The following GALNT10 variants were observed in gnomAD, a reference collection of about 807,000 sequenced individuals.
GALNT10 encodes the protein polypeptide N-acetylgalactosaminyltransferase 10.
In GALNT10, 41 loss-of-function variants were observed where a neutral mutation model predicts 75.0. The observed-to-expected ratio is 0.55, with a 90% CI of 0.43 to 0.71. The LOEUF (loss-of-function observed/expected upper bound fraction) is 0.71, where lower values mean the gene tolerates loss of function less well. Among genes scored for constraint, GALNT10 ranks in the 30% least tolerant of loss-of-function variants. The probability of loss-of-function intolerance (pLI) is 0.00; values close to 1 mark genes in which losing one functional copy is unlikely to be tolerated. For missense variants in GALNT10, 727 were observed against 818.5 expected, an observed-to-expected ratio of 0.89 and a Z score of 1.36; for synonymous variants, 302 against 313.0, an observed-to-expected ratio of 0.96 and a Z score of 0.37.
intron 1 of GALNT10, among the ~76,000 whole-genome samples, chr5:154,234,156 G>C (rs10875583): frequency 0.37 from 55,853 of 152,124 alleles, 12,375 homozygotes; most frequent in East Asian, 0.83. Flanking sequence ...GGAAAGTTGA[G>C]TTGGGATACA....
chr5:154,209,536 G>A (rs905021143), intron 1 of GALNT10, among the ~76,000 whole-genome samples: 2 of 152,172 alleles, frequency 1.3e-5, no homozygotes, highest in African/African-American at 2.4e-5. Flanking sequence ...TCGAAGATCA[G>A]GGTGCCACCA....
At chr5:154,200,958 T>A (rs900819273) in intron 1 of GALNT10, among the ~76,000 whole-genome samples, 3 of 151,892 alleles carry the variant, frequency 2.0e-5, no homozygotes, top group Non-Finnish European at 4.4e-5. Context: ...AAAACAATTC[T>A]ATACTAATTT....
At chr5:154,233,321 G>C (rs1202953597) in intron 1 of GALNT10, among the ~76,000 whole-genome samples, 5 of 152,162 alleles carry the variant, frequency 3.3e-5, no homozygotes, top group Non-Finnish European at 7.3e-5. Flanking sequence ...TCTAGGGCTT[G>C]TCCTTTGAGT....
At chr5:154,237,872 C>G (rs1753270765) in intron 1 of GALNT10, among the ~76,000 whole-genome samples, 1 of 152,144 alleles carries the variant, frequency 6.6e-6, no homozygotes, top group Non-Finnish European at 1.5e-5. Context: ...TGGTGAAGGT[C>G]GCGCCTGCTA....
intron 1 of GALNT10, among the ~76,000 whole-genome samples, chr5:154,238,642 C>G (rs1753285317): frequency 6.6e-6 from 1 of 152,290 alleles, no homozygotes; most frequent in Admixed American, 6.6e-5. Context: ...CAAGTCCCTG[C>G]TCTCTGGACG....
chr5:154,232,322 G>A (rs1050222571), intron 1 of GALNT10, among the ~76,000 whole-genome samples: 1 of 152,146 alleles, frequency 6.6e-6, no homozygotes, highest in Admixed American at 6.5e-5. Context: ...TGGTTATTAT[G>A]AGTAAGATAC....
At chr5:154,199,188 A>C (rs1774988436) in intron 1 of GALNT10, among the ~76,000 whole-genome samples, 1 of 152,082 alleles carries the variant, frequency 6.6e-6, no homozygotes, top group Non-Finnish European at 1.5e-5. Flanking sequence ...ATCCCTAGGG[A>C]GCCTGTTAAG....
intron 1 of GALNT10, among the ~76,000 whole-genome samples, chr5:154,197,733 A>G (rs887168605): frequency 6.6e-6 from 1 of 152,214 alleles, no homozygotes; most frequent in African/African-American, 2.4e-5. Context: ...AATAGTAGTA[A>G]TAGCAGTTAC....
At chr5:154,340,869 G>A (rs868387382) in intron 4 of GALNT10, among the ~76,000 whole-genome samples, 1 of 152,228 alleles carries the variant, frequency 6.6e-6, no homozygotes, top group Non-Finnish European at 1.5e-5. Context: ...CCAAAAATAG[G>A]CGACAGTTGA....
chr5:154,196,000 G>A (rs139602036), intron 1 of GALNT10, among the ~76,000 whole-genome samples: 3 of 152,010 alleles, frequency 2.0e-5, no homozygotes, highest in East Asian at 1.9e-4. Flanking sequence ...TCGGCCCATC[G>A]CAACCTCCAC....
chr5:154,365,523 G>C (rs1755462201), intron 4 of GALNT10, among the ~76,000 whole-genome samples: 1 of 152,228 alleles, frequency 6.6e-6, no homozygotes, highest in African/African-American at 2.4e-5. Flanking sequence ...AACATGAGCT[G>C]TTTGATCTTG....
At chr5:154,226,269 T>A (rs544350072) in intron 1 of GALNT10, among the ~76,000 whole-genome samples, 13 of 152,354 alleles carry the variant, frequency 8.5e-5, no homozygotes, top group African/African-American at 3.1e-4. Context: ...ATGGTTGTCA[T>A]GTATTTTAGT....
Position 154,347,939 on chromosome 5 carries a change from A to T in GALNT10, c.568+18201A>T, listed in dbSNP as rs1423997172. On this transcript the variant is annotated intron_variant, in intron 4 of 11. Coordinates refer to ENST00000297107, the MANE Select transcript of GALNT10 (RefSeq NM_198321.4). ...AAATTTTAAATTTAAATAGATCCTAAGGGGGTGGCTCAAGGCTCTCATTGA... is the reference window on the plus strand; with the variant it reads ...AAATTTTAAATTTAAATAGATCCTATGGGGGTGGCTCAAGGCTCTCATTGA... Among the ~76,000 whole-genome samples, 5 of 152,188 alleles carry T rather than the reference A, an allele frequency of 3.3e-5. No homozygotes were observed. In the East Asian group the frequency reaches 9.6e-4, roughly 29 times the overall value.
chr5:154,280,320 G>T (rs370789174), intron 1 of GALNT10, among the ~76,000 whole-genome samples: 18 of 152,208 alleles, frequency 1.2e-4, no homozygotes, highest in African/African-American at 4.1e-4. Flanking sequence ...GCTTAGATAG[G>T]ACTAAGTTCT....
chr5:154,415,360 CAG>C (rs1756482840), intron 10 of GALNT10, among the ~76,000 whole-genome samples: 1 of 151,372 alleles, frequency 6.6e-6, no homozygotes, highest in African/African-American at 2.4e-5. Context: ...TTTTTTGAGA[CAG>C]AGTCTCACTC....
At chr5:154,273,789 G>A (rs1753908248) in intron 1 of GALNT10, among the ~76,000 whole-genome samples, 1 of 152,184 alleles carries the variant, frequency 6.6e-6, no homozygotes, top group Admixed American at 6.5e-5. Context: ...ATGCCGTGAA[G>A]GAGTTGGATT....
chr5:154,392,801 G>A (rs1439993185), intron 7 of GALNT10: 1 of 152,174 alleles, frequency 6.6e-6, no homozygotes, highest in Non-Finnish European at 1.5e-5. Flanking sequence ...TTGGGGCAGT[G>A]TAAGTGGGTA....
Position 154,313,306 on chromosome 5 carries a change from G to GA in GALNT10, c.401+15240dup, listed in dbSNP as rs148149095. Among the ~76,000 whole-genome samples, 151 of 133,078 alleles carry GA rather than the reference G, an allele frequency of 1.1e-3. 1 individual carries two copies. The highest frequency in any genetic ancestry group is 2.6e-3 in the South Asian group (11 of 4,216). 87.3% of individuals were successfully genotyped at this position (133,078 alleles called of 152,430 possible). ...GCCTGGGTGACAGAGCGAGACTCTT[G>GA]AAAAAAAAAAAAAGGTACTGTTTTT... On this transcript the variant is annotated intron_variant, in intron 3 of 11. Transcript: ENST00000297107.
intron 1 of GALNT10, among the ~76,000 whole-genome samples, chr5:154,270,643 TC>T (rs1753847355): frequency 6.6e-6 from 1 of 152,080 alleles, no homozygotes; most frequent in Non-Finnish European, 1.5e-5. Flanking sequence ...CTCCTTCTTC[TC>T]CAGATGAAGA....
Sources: gnomAD v4.1 joint callset for allele counts (sites outside exome capture counted in the v4.1 genomes callset) on GRCh38, gnomAD v4.1.1 for gene constraint, MANE v1.5 for transcripts, NCBI Gene and HGNC (gene_info 2026-07-23, HGNC 2026-07-21) for gene names.